The following SRI variants were observed in gnomAD, a reference collection of about 807,000 sequenced individuals.
The protein encoded by SRI is sorcin.
In SRI, 30 loss-of-function variants were observed where a neutral mutation model predicts 33.3. The observed-to-expected ratio is 0.90, with a 90% CI of 0.67 to 1.22. The LOEUF is 1.22. SRI is among the 50% of genes most tolerant of loss of function. SRI has a pLI of 0.00. For missense variants in SRI, 243 were observed against 250.8 expected, an observed-to-expected ratio of 0.97 and a Z score of 0.21; for synonymous variants, 75 against 89.9, an observed-to-expected ratio of 0.83 and a Z score of 0.94.
upstream of SRI, among the ~76,000 whole-genome samples, chr7:88,224,599 T>TA (rs1343512862): frequency 6.6e-6 from 1 of 152,198 alleles, no homozygotes; most frequent in African/African-American, 2.4e-5. Flanking sequence ...TATCTCCACT[T>TA]TCTTAAGATT....
intron 7 of SRI, chr7:88,208,274 C>G (rs1851481199): frequency 9.1e-7 from 1 of 1,097,874 alleles, no homozygotes; most frequent in Admixed American, 3.7e-5. Context: ...ATAAATACAA[C>G]AAGCTGGGTC....
At chr7:88,217,422 T>G (rs997977393) in intron 2 of SRI, among the ~76,000 whole-genome samples, 5 of 152,238 alleles carry the variant, frequency 3.3e-5, no homozygotes, top group African/African-American at 1.2e-4. Context: ...TGGCAACTAC[T>G]CTTCTCTCAA....
upstream of SRI, among the ~76,000 whole-genome samples, chr7:88,220,878 A>G (rs1273372036): frequency 6.6e-6 from 1 of 152,250 alleles, no homozygotes; most frequent in Non-Finnish European, 1.5e-5. Flanking sequence ...ATTCAGGAAG[A>G]TAAGAGATAG....
intron 1 of SRI, among the ~76,000 whole-genome samples, chr7:88,226,656 G>A (rs1852004279): frequency 6.6e-6 from 1 of 152,120 alleles, no homozygotes; most frequent in South Asian, 2.1e-4. Context: ...CATGTAAATT[G>A]GGAGCTTCTT....
upstream of SRI, among the ~76,000 whole-genome samples, chr7:88,223,526 G>T (rs1451210820): frequency 2.0e-5 from 3 of 152,126 alleles, no homozygotes; most frequent in Non-Finnish European, 4.4e-5. Context: ...AGTCATAGTG[G>T]TATGGCCAAA....
upstream of SRI, among the ~76,000 whole-genome samples, chr7:88,221,454 C>G (rs1554536172): frequency 6.6e-6 from 1 of 152,192 alleles, no homozygotes; most frequent in Non-Finnish European, 1.5e-5. Flanking sequence ...AATGAGTCCC[C>G]TGGTCTCTCT....
Position 88,217,107 on chromosome 7 carries a change from G to A in SRI, c.205+15C>T. 1 of 1,612,036 alleles carries A rather than the reference G, an allele frequency of 6.2e-7. No individual in the cohort carries two copies. The highest frequency in any genetic ancestry group is 1.3e-5 in the African/African-American group (1 of 74,960). On this transcript the variant is annotated intron_variant, in intron 3 of 7. Coordinates refer to ENST00000265729, the MANE Select transcript of SRI (RefSeq NM_003130.4). ...CAAGAGTATATTTAGACAAACTTTG[G>A]GACTGTCAACTTACGTTTGTATCCT...
chr7:88,217,660 G>A (rs1379713053), intron 2 of SRI, among the ~76,000 whole-genome samples: 1 of 152,068 alleles, frequency 6.6e-6, no homozygotes, highest in Non-Finnish European at 1.5e-5. Context: ...TGGCTGAACT[G>A]GGAAAGAACT....
At chr7:88,213,648 A>C (rs539116211) in intron 3 of SRI, among the ~76,000 whole-genome samples, 1 of 152,320 alleles carries the variant, frequency 6.6e-6, no homozygotes, top group Admixed American at 6.5e-5. Flanking sequence ...TTGTGGCTAC[A>C]GAGCCAGCAC....
chr7:88,214,905 C>G, intron 3 of SRI: 1 of 967,038 alleles, frequency 1.0e-6, no homozygotes, highest in Middle Eastern at 2.4e-4. Context: ...CTACCTCCAG[C>G]TGTTTCTCTC....
chr7:88,219,928 A>G, intron 1 of SRI, 48 bp downstream of exon 1: 2 of 1,533,558 alleles, frequency 1.3e-6, no homozygotes, highest in Non-Finnish European at 1.8e-6. Context: ...GTGGCCTCTT[A>G]GCGCCCCGGA....
At chr7:88,210,297 G>A (rs1851543385) in intron 4 of SRI, 167 bp from the exon 5 acceptor site, 1 of 826,174 alleles carries the variant, frequency 1.2e-6, no homozygotes, top group Non-Finnish European at 1.9e-6. Flanking sequence ...GGGCTATGGA[G>A]AAAAAGCTCA....
upstream of SRI, among the ~76,000 whole-genome samples, chr7:88,223,115 G>T (rs2115828080): frequency 6.6e-6 from 1 of 152,250 alleles, no homozygotes; most frequent in East Asian, 1.9e-4. Flanking sequence ...ACAAAGAATT[G>T]AATTTTAATG....
At chr7:88,208,751 A>C in intron 6 of SRI, 186 bp from the exon 7 acceptor site, 1 of 853,056 alleles carries the variant, frequency 1.2e-6, no homozygotes, top group Non-Finnish European at 1.7e-6. Context: ...AATATGCAAC[A>C]AAGTAACAGG....
chr7:88,210,944 T>C lies in SRI; in HGVS notation c.206-19A>G, dbSNP rs372294895. The C allele has an allele frequency of 2.5e-6, 4 of 1,609,754 alleles. No individual in the cohort carries two copies. The highest frequency in any genetic ancestry group is 1.7e-5 in the Admixed American group (1 of 59,944). ...TTAAAAGCTGTTAAATCAAGAAAAGTACATACATATTAACACAAATCCAAA... is the reference window on the plus strand; with the variant it reads ...TTAAAAGCTGTTAAATCAAGAAAAGCACATACATATTAACACAAATCCAAA... On this transcript the variant is annotated intron_variant, in intron 3 of 7. Coordinates refer to ENST00000265729, the MANE Select transcript of SRI (RefSeq NM_003130.4).
intron 1 of SRI, 105 bp from the exon 2 acceptor site, chr7:88,219,047 C>T (rs1018407772): frequency 1.1e-5 from 10 of 916,640 alleles, no homozygotes; most frequent in South Asian, 1.1e-4. Context: ...CCTGCCCGCC[C>T]TTCACAAGGC....
In SRI at chr7:88,205,709, C is replaced by G. The variant is rs1851425861; in HGVS notation, c.*769G>C. The G allele has an allele frequency of 6.6e-6, 1 of 152,038 alleles. No homozygotes were observed. The highest frequency in any genetic ancestry group is 1.5e-5 in the Non-Finnish European group (1 of 67,982). The allele number at this position is 152,038 out of a possible 1,614,324, so 9.4% of individuals were successfully genotyped here. ...AATGGATGTATCAGTATTTTAAAAA[C>G]TAAAATCTGATTTTAAAAGGAAAGC... is the stretch of plus-strand genomic sequence containing the variant. On this transcript the variant is annotated 3_prime_UTR_variant, in exon 8 of 8. Transcript: ENST00000265729.
intron 3 of SRI, among the ~76,000 whole-genome samples, chr7:88,211,541 A>G (rs1263045176): frequency 6.6e-6 from 1 of 152,216 alleles, no homozygotes; most frequent in Non-Finnish European, 1.5e-5. Flanking sequence ...ATAACGAACC[A>G]TAATGTATTA....
At chr7:88,209,312 G>A (rs769720204) in intron 6 of SRI, 27 bp downstream of exon 6, 3 of 1,556,890 alleles carry the variant, frequency 1.9e-6, no homozygotes, top group Non-Finnish European at 8.9e-7. Context: ...TTGGCTTGTG[G>A]TGATGACACG....
Sources: allele counts gnomAD v4.1 joint callset (sites outside exome capture counted in the v4.1 genomes callset), GRCh38; gene constraint gnomAD v4.1.1; transcripts MANE v1.5; gene names NCBI Gene and HGNC (gene_info 2026-07-23, HGNC 2026-07-21).